Variants in ZRANB3 observed in about 807,000 individuals in gnomAD.
ZRANB3 encodes the protein DNA annealing helicase and endonuclease ZRANB3.
In ZRANB3, 125 loss-of-function variants were observed where a neutral mutation model predicts 133.8. The ratio of observed to expected loss-of-function variants is 0.93; its 90% CI spans 0.81 to 1.08. The LOEUF (loss-of-function observed/expected upper bound fraction) is 1.08, where lower values mean the gene tolerates loss of function less well. ZRANB3 is among the 50% of genes least tolerant of loss of function. The probability of loss-of-function intolerance (pLI) is 0.00; values close to 1 mark genes in which losing one functional copy is unlikely to be tolerated. For synonymous variants in ZRANB3, 387 were observed against 432.7 expected (o/e 0.89, Z 1.31); for missense variants, 1,229 against 1,275.5 (o/e 0.96, Z 0.56).
In ZRANB3 at chr2:135,230,665, C is replaced by A. The variant is rs76333606; in HGVS notation, c.1802G>T (p.Arg601Leu). The change falls in exon 13 of 21, where the codon CGA (arginine) becomes CTA (leucine). Residue 601 changes from arginine to leucine, a missense_variant. Transcript: ENST00000264159. ...EETPSQSKQI[R>L]TPLVESVQEA... ...CTGTACACTTTCCACGAGTGGAGTT[C>A]GGATTTGCTTGGACTGGGATGGTGT... 6.2e-7 allele frequency: 1 copy of A among 1,613,562 alleles called. No individual in the cohort carries two copies. The highest frequency in any genetic ancestry group is 1.1e-5 in the South Asian group (1 of 90,912).
chr2:135,380,081 G>T (rs1369284704), intron 3 of ZRANB3, among the ~76,000 whole-genome samples: 1 of 152,172 alleles, frequency 6.6e-6, no homozygotes, highest in Non-Finnish European at 1.5e-5. Context: ...TTACATAATG[G>T]TAAAGGGATC....
At chr2:135,408,959 G>T (rs991006919) in intron 2 of ZRANB3, among the ~76,000 whole-genome samples, 3 of 151,718 alleles carry the variant, frequency 2.0e-5, no homozygotes, top group Non-Finnish European at 4.4e-5. Flanking sequence ...ATGTACCCTA[G>T]AACTTAGAGT....
intron 3 of ZRANB3, among the ~76,000 whole-genome samples, chr2:135,364,504 T>C (rs557307522): frequency 3.9e-5 from 6 of 152,266 alleles, no homozygotes; most frequent in Non-Finnish European, 8.8e-5. Context: ...TCCTAGCACT[T>C]TGGGAGGCTG....
chr2:135,311,853 A>C (rs1053407694), intron 8 of ZRANB3, among the ~76,000 whole-genome samples: 3 of 152,162 alleles, frequency 2.0e-5, no homozygotes, highest in Admixed American at 6.5e-5. Context: ...AATCAATCTC[A>C]AAACCTTTAT....
intron 2 of ZRANB3, among the ~76,000 whole-genome samples, chr2:135,405,947 A>T (rs1306423448): frequency 6.6e-6 from 1 of 152,228 alleles, no homozygotes; most frequent in East Asian, 1.9e-4. Context: ...CAAATCTAGC[A>T]GAAGGCAAGA....
At chr2:135,310,649 ATATGT>A (rs1386638940) in intron 8 of ZRANB3, among the ~76,000 whole-genome samples, 2 of 151,286 alleles carry the variant, frequency 1.3e-5, no homozygotes. Context: ...ACACAAACCT[ATATGT>A]TATATGTATT....
intron 17 of ZRANB3, among the ~76,000 whole-genome samples, chr2:135,216,087 CT>C (rs201151682): frequency 0.11 from 16,339 of 145,252 alleles, 1,050 homozygotes; most frequent in South Asian, 0.29. Context: ...GTCTCCATCC[CT>C]TTTTTTTTTT....
At chr2:135,489,014 G>C (rs1349309421) in intron 2 of ZRANB3, among the ~76,000 whole-genome samples, 1 of 151,938 alleles carries the variant, frequency 6.6e-6, no homozygotes, top group Non-Finnish European at 1.5e-5. Context: ...GTCATAAGGA[G>C]AATAGGTGTT....
intron 2 of ZRANB3, among the ~76,000 whole-genome samples, chr2:135,398,914 T>G (rs1687618113): frequency 6.6e-6 from 1 of 152,212 alleles, no homozygotes; most frequent in African/African-American, 2.4e-5. Flanking sequence ...GTATTTTCCC[T>G]AAGTGATGAC....
intron 13 of ZRANB3, chr2:135,228,274 T>C (rs1048766315): frequency 1.7e-4 from 47 of 280,672 alleles, no homozygotes; most frequent in Non-Finnish European, 2.8e-4. Flanking sequence ...AATAGGTAAA[T>C]AGTATATTTT....
At chr2:135,442,668 C>T (rs2104994867) in intron 2 of ZRANB3, among the ~76,000 whole-genome samples, 1 of 152,186 alleles carries the variant, frequency 6.6e-6, no homozygotes. Context: ...ACTAGAAATA[C>T]CATTTGACCC....
intron 3 of ZRANB3, among the ~76,000 whole-genome samples, chr2:135,375,472 T>C (rs1238525377): frequency 2.0e-5 from 3 of 151,978 alleles, no homozygotes; most frequent in Admixed American, 2.0e-4. Context: ...GATCACGAGC[T>C]CAGGAGATTA....
chr2:135,446,390 A>C (rs1690024240), intron 2 of ZRANB3, among the ~76,000 whole-genome samples: 1 of 152,094 alleles, frequency 6.6e-6, no homozygotes, highest in South Asian at 2.1e-4. Context: ...CAGTGTCATC[A>C]ACTGGGTGTT....
At chr2:135,279,111 G>T (rs145468133) in intron 8 of ZRANB3, among the ~76,000 whole-genome samples, 14 of 152,088 alleles carry the variant, frequency 9.2e-5, no homozygotes, top group African/African-American at 3.4e-4. Flanking sequence ...AAGAAAAGAA[G>T]GTTGTTGCCT....
At position 135,481,634 on chromosome 2, in the gene ZRANB3, T is replaced by A. The variant is rs1430730920; in HGVS notation, c.161+22695A>T. Among the ~76,000 whole-genome samples the A allele has an allele frequency of 4.7e-5, 7 of 150,292 alleles. No homozygotes were observed. In the South Asian group the frequency reaches 6.2e-4, roughly 13 times the overall value. On this transcript the variant is annotated intron_variant, in intron 2 of 20. Transcript: ENST00000264159. ...CTTTAGTTTAATTAGATCCCATTTG[T>A]CAATTTTGGCTTTTGTTGCCATTGC...
chr2:135,270,585 G>C lies in ZRANB3; in HGVS notation c.1206+1183C>G, dbSNP rs1287779597. ...TTTCTAATTCTAAGCCCTTTTTGAT[G>C]ATATTCTCTGTGGCTGGAACAGTCT... On this transcript the variant is annotated intron_variant, in intron 10 of 20. Transcript: ENST00000264159. Among the ~76,000 whole-genome samples the C allele has an allele frequency of 3.9e-5, 6 of 152,226 alleles. No individual in the cohort carries two copies. The East Asian group carries it at 9.7e-4, about 24-fold the overall frequency.
intron 12 of ZRANB3, among the ~76,000 whole-genome samples, chr2:135,252,241 G>A (rs940802717): frequency 5.3e-5 from 8 of 152,172 alleles, no homozygotes; most frequent in South Asian, 2.1e-4. Context: ...TAACTATTGG[G>A]TACTGGGCTT....
At chr2:135,331,542 G>C (rs1233928765) in intron 6 of ZRANB3, among the ~76,000 whole-genome samples, 1 of 152,146 alleles carries the variant, frequency 6.6e-6, no homozygotes, top group African/African-American at 2.4e-5. Context: ...TGTTGATTTG[G>C]GGTGGAGAGT....
In ZRANB3 at chr2:135,230,697, C is replaced by T. The variant is rs771278749; in HGVS notation, c.1770G>A (p.Ser590=). The change falls in exon 13 of 21, where the codon TCG becomes TCA. Residue 590 remains serine (S), a synonymous_variant. Coordinates refer to ENST00000264159, the MANE Select transcript of ZRANB3 (RefSeq NM_032143.4). ...GCTTGGACTGGGATGGTGTCTCTTC[C>T]GACGGACTGCAGTGGTCTTCCGAGG... ...LAASEDHCSP[S]EETPSQSKQI... 1.4e-5 allele frequency: 22 copies of T among 1,612,672 alleles called. No homozygotes were observed. In the East Asian group the frequency reaches 2.2e-4, roughly 16 times the overall value.
Sources: gnomAD v4.1 joint callset for allele counts (sites outside exome capture counted in the v4.1 genomes callset) on GRCh38, gnomAD v4.1.1 for gene constraint, MANE v1.5 for transcripts, NCBI Gene and HGNC (gene_info 2026-07-23, HGNC 2026-07-21) for gene names.